ELF5: variants seen among roughly 807,000 people sequenced by gnomAD.
ELF5 encodes the protein ETS-related transcription factor Elf-5.
Under a neutral mutation model 38.2 loss-of-function variants are expected in ELF5, and 31 were observed. The ratio of observed to expected loss-of-function variants is 0.81; its 90% CI spans 0.61 to 1.10. The LOEUF (loss-of-function observed/expected upper bound fraction) is 1.10. Ranked by LOEUF, ELF5 falls within the 50% of genes least tolerant of loss-of-function variation. The probability of loss-of-function intolerance (pLI) is 0.00; values close to 1 mark genes in which losing one functional copy is unlikely to be tolerated. For missense variants in ELF5, 300 were observed against 306.6 expected (o/e 0.98, Z 0.16); for synonymous variants, 121 against 112.5 (o/e 1.08, Z -0.48).
chr11:34,490,489 T>A (rs1450860598), intron 3 of ELF5, among the ~76,000 whole-genome samples: 3 of 152,006 alleles, frequency 2.0e-5, no homozygotes, highest in Non-Finnish European at 2.9e-5. Flanking sequence ...TGGCTAAGAG[T>A]CTATAGTCTC....
Position 34,480,949 on chromosome 11 carries a change from A to G in ELF5, c.494T>C (p.Leu165Pro). 6.2e-7 allele frequency: 1 copy of G among 1,611,454 alleles called. No homozygotes were observed. Among genetic ancestry groups the G allele is most frequent in the African/African-American group, 1.3e-5 (1 of 74,852 alleles). ...AAGCAGGTCTCGTACAAATTCCCAT[A>G]GATGAGAACTTTGGAGGCCTTTTGA... ...HSRTSLQSSH[L>P]WEFVRDLLLS... The change falls in exon 6 of 7, where the codon CTA (leucine) becomes CCA (proline). Residue 165 changes from leucine (L) to proline (P), a missense_variant. Transcript: ENST00000257832.
At position 34,480,017 on chromosome 11, in the gene ELF5, G is replaced by A; in HGVS notation, c.*201C>T. The stretch of plus-strand genomic sequence containing the variant: ...CCCTCATCCCCTTAGGGAGAAGAAA[G>A]GATTTCTTAAGAGTTTCTGCTCTCA... On this transcript the variant is annotated 3_prime_UTR_variant, in exon 7 of 7. Transcript: ENST00000257832. 1.7e-6 allele frequency: 1 copy of A among 579,324 alleles called. No individual in the cohort carries two copies. The highest frequency in any genetic ancestry group is 3.0e-6 in the Non-Finnish European group (1 of 327,942). 35.9% of individuals were successfully genotyped at this position (579,324 alleles called of 1,614,324 possible). A position where few individuals can be genotyped will look rare whatever the true frequency, so the allele number is the denominator to read the frequency against.
intron 1 of ELF5, among the ~76,000 whole-genome samples, chr11:34,509,929 A>G (rs2133906108): frequency 6.6e-6 from 1 of 152,278 alleles, no homozygotes; most frequent in East Asian, 1.9e-4. Flanking sequence ...AATACAAAAC[A>G]CGACAGTGGG....
At chr11:34,502,895 G>A (rs1294178685) in intron 2 of ELF5, among the ~76,000 whole-genome samples, 1 of 152,202 alleles carries the variant, frequency 6.6e-6, no homozygotes, top group Non-Finnish European at 1.5e-5. Flanking sequence ...CTTTCATGAC[G>A]TTGATGGAAA....
intron 2 of ELF5, among the ~76,000 whole-genome samples, chr11:34,499,672 T>C (rs1258093833): frequency 1.3e-5 from 2 of 152,350 alleles, no homozygotes; most frequent in Non-Finnish European, 1.5e-5. Context: ...CCTCTGCTGA[T>C]TGGGGAGCAG....
chr11:34,512,995 C>G (rs1850801012), intron 1 of ELF5, among the ~76,000 whole-genome samples: 1 of 152,152 alleles, frequency 6.6e-6, no homozygotes, highest in Non-Finnish European at 1.5e-5. Context: ...CACGCAGGCC[C>G]GGCTTCAGCC....
chr11:34,510,168 T>C (rs1304773821), intron 1 of ELF5, among the ~76,000 whole-genome samples: 1 of 152,256 alleles, frequency 6.6e-6, no homozygotes, highest in East Asian at 1.9e-4. Context: ...CTGTATCTGA[T>C]TCCCTTTGGT....
At chr11:34,490,109 C>T (rs1850126284) in intron 3 of ELF5, 50 bp from the exon 4 acceptor site, 1 of 1,598,166 alleles carries the variant, frequency 6.3e-7, no homozygotes, top group East Asian at 2.2e-5. Flanking sequence ...TCCTGGTTTC[C>T]ACTGGCCAGG....
At chr11:34,505,104 C>G (rs962696967) in intron 2 of ELF5, among the ~76,000 whole-genome samples, 1 of 152,112 alleles carries the variant, frequency 6.6e-6, no homozygotes, top group Admixed American at 6.5e-5. Context: ...AACTGTGAGG[C>G]CCAGGGCAAG....
At chr11:34,488,179 G>A (rs1237402740) in intron 4 of ELF5, among the ~76,000 whole-genome samples, 2 of 152,024 alleles carry the variant, frequency 1.3e-5, no homozygotes, top group Non-Finnish European at 2.9e-5. Flanking sequence ...TATCATTTGG[G>A]TTATTTAATA....
chr11:34,506,426 A>G (rs1207889886), intron 1 of ELF5, among the ~76,000 whole-genome samples: 3 of 152,220 alleles, frequency 2.0e-5, no homozygotes, highest in Admixed American at 1.3e-4. Flanking sequence ...TAGCACCTGA[A>G]ACCTCAGCAT....
At chr11:34,494,884 C>T (rs1850279156) in intron 2 of ELF5, among the ~76,000 whole-genome samples, 1 of 152,172 alleles carries the variant, frequency 6.6e-6, no homozygotes, top group Non-Finnish European at 1.5e-5. Context: ...ACTTAATATA[C>T]ATAAAAGTAC....
At chr11:34,503,511 T>G (rs778425908) in intron 2 of ELF5, among the ~76,000 whole-genome samples, 5 of 151,050 alleles carry the variant, frequency 3.3e-5, no homozygotes, top group Non-Finnish European at 5.9e-5. Flanking sequence ...TGCAGTGGCG[T>G]GACTGCAGCT....
chr11:34,490,086 C>T (rs1221361453), intron 3 of ELF5, 27 bp from the exon 4 acceptor site: 1 of 1,613,192 alleles, frequency 6.2e-7, no homozygotes, highest in East Asian at 2.2e-5. Context: ...AATCCAGAAA[C>T]CATACCATGC....
rs33963110 is a variant in ELF5 at position 34,510,311 on chromosome 11, GT to G, written c.-5+3365del. ...ATCTTTTATAAAAGCAGAAAAAGGT[GT>G]TTTTTTTTTTTTTTCCTGTTACAGC... is the stretch of plus-strand genomic sequence containing the variant. On this transcript the variant is annotated intron_variant, in intron 1 of 6. Coordinates refer to ENST00000257832, the MANE Select transcript of ELF5 (RefSeq NM_001422.4). 5.4e-3 allele frequency among the ~76,000 whole-genome samples: 758 copies of G among 139,860 alleles called. 3 individuals are homozygous for G. The highest frequency in any genetic ancestry group is 0.014 in the African/African-American group (517 of 37,892). The allele number at this position is 139,860 out of a possible 152,430, so 91.8% of individuals were successfully genotyped here. A position where few individuals can be genotyped will look rare whatever the true frequency, so the allele number is the denominator to read the frequency against.
chr11:34,484,229 C>T (rs12806444), intron 4 of ELF5, among the ~76,000 whole-genome samples: 134,625 of 149,572 alleles, frequency 0.9, 60,740 homozygotes, highest in Middle Eastern at 0.97. Context: ...GTACCAACTA[C>T]ACTATATTGT....
intron 4 of ELF5, among the ~76,000 whole-genome samples, chr11:34,483,556 C>T (rs1449743773): frequency 6.6e-6 from 1 of 151,946 alleles, no homozygotes; most frequent in African/African-American, 2.4e-5. Context: ...TTGTACTATA[C>T]CACACCATAC....
At chr11:34,502,684 A>G (rs778481120) in intron 2 of ELF5, among the ~76,000 whole-genome samples, 3 of 152,218 alleles carry the variant, frequency 2.0e-5, no homozygotes, top group Non-Finnish European at 4.4e-5. Context: ...TGGCTACTTG[A>G]AAGCCTGGCT....
intron 2 of ELF5, among the ~76,000 whole-genome samples, chr11:34,501,351 A>G (rs937846237): frequency 2.6e-5 from 4 of 152,202 alleles, no homozygotes; most frequent in African/African-American, 9.6e-5. Context: ...TGCAGCTGAC[A>G]AAGTATAAGC....
Sources: allele counts gnomAD v4.1 joint callset (sites outside exome capture counted in the v4.1 genomes callset), GRCh38; gene constraint gnomAD v4.1.1; transcripts MANE v1.5; gene names NCBI Gene and HGNC (gene_info 2026-07-23, HGNC 2026-07-21).